Variants in NDUFV3 observed in about 807,000 individuals in gnomAD.
NDUFV3 encodes NADH:ubiquinone oxidoreductase subunit V3, also known as NADH dehydrogenase [ubiquinone] flavoprotein 3, mitochondrial.
In NDUFV3, 44 loss-of-function variants were observed where a neutral mutation model predicts 37.5. That is an observed-to-expected ratio of 1.17 (90% CI 0.92 to 1.51). The LOEUF is 1.51. Among genes scored for constraint, NDUFV3 ranks in the 40% most tolerant of loss-of-function variants. The probability of loss-of-function intolerance (pLI) is 0.00; values close to 1 mark genes in which losing one functional copy is unlikely to be tolerated. For missense variants in NDUFV3, 580 were observed against 580.4 expected, an observed-to-expected ratio of 1.00 and a Z score of 0.01; for synonymous variants, 235 against 239.3, an observed-to-expected ratio of 0.98 and a Z score of 0.17.
intron 3 of NDUFV3, chr21:42,906,729 C>G (rs565591626): frequency 2.5e-6 from 1 of 393,734 alleles, no homozygotes; most frequent in African/African-American, 2.1e-5. Flanking sequence ...AGTCCGTGCC[C>G]CAGTACTGGC....
chr21:42,897,923 G>A (rs546543922), intron 2 of NDUFV3, among the ~76,000 whole-genome samples: 7 of 152,212 alleles, frequency 4.6e-5, no homozygotes, highest in Middle Eastern at 3.4e-3. Flanking sequence ...TGATCCGCCC[G>A]CCTTGGCCTC....
chr21:42,900,327 C>T (rs1034841566), intron 2 of NDUFV3, among the ~76,000 whole-genome samples: 1 of 151,862 alleles, frequency 6.6e-6, no homozygotes, highest in African/African-American at 2.4e-5. Context: ...TATGGTGAAA[C>T]CCCTGTCTCT....
At chr21:42,907,182 G>A (rs528898266) in intron 3 of NDUFV3, among the ~76,000 whole-genome samples, 10 of 152,214 alleles carry the variant, frequency 6.6e-5, no homozygotes, top group African/African-American at 2.4e-4. Context: ...ACCCCTACTT[G>A]TAGTTTCGAA....
chr21:42,901,944 C>T (rs1041014852), intron 2 of NDUFV3, among the ~76,000 whole-genome samples: 4 of 152,246 alleles, frequency 2.6e-5, no homozygotes, highest in Non-Finnish European at 5.9e-5. Context: ...CACGGTGGCT[C>T]ACGCCTGTAA....
intron 1 of NDUFV3, among the ~76,000 whole-genome samples, chr21:42,896,206 G>C (rs546064930): frequency 7.3e-4 from 102 of 138,988 alleles, no homozygotes; most frequent in African/African-American, 2.5e-3. Flanking sequence ...GCCCAGGCTA[G>C]AGTGCAGTGG....
intron 1 of NDUFV3, among the ~76,000 whole-genome samples, chr21:42,896,522 C>A (rs1056741988): frequency 2.0e-5 from 3 of 151,956 alleles, no homozygotes; most frequent in Non-Finnish European, 4.4e-5. Context: ...AAGTGATCCG[C>A]CCACCTCAGC....
rs1257033749 is a variant in NDUFV3 at position 42,911,438 on chromosome 21, CCTTTTTTTTTTTT to C, written c.*2418_*2430del. ...CCTAAAATCCACTATGCTAACCCACCCTTTTTTTTTTTTTTTTTTTTTTTTTTTTTTTGAGACA... is the reference window on the plus strand; with the variant it reads ...CCTAAAATCCACTATGCTAACCCACCTTTTTTTTTTTTTTTTTTTGAGACA... On this transcript the variant is annotated 3_prime_UTR_variant, in exon 4 of 4. Coordinates refer to ENST00000354250, the MANE Select transcript of NDUFV3 (RefSeq NM_021075.4). The C allele has an allele frequency of 5.9e-5, 8 of 135,782 alleles. No homozygotes were observed. The highest frequency in any genetic ancestry group is 5.5e-4 in the Admixed American group (7 of 12,758). 8.4% of individuals were successfully genotyped at this position (135,782 alleles called of 1,614,324 possible).
intron 2 of NDUFV3, among the ~76,000 whole-genome samples, chr21:42,899,028 G>A: frequency 6.6e-6 from 1 of 152,170 alleles, no homozygotes; most frequent in Non-Finnish European, 1.5e-5. Flanking sequence ...GTTTGGGGAG[G>A]GGAACACTGA....
chr21:42,895,326 C>G (rs796469028), intron 1 of NDUFV3, among the ~76,000 whole-genome samples: 2 of 152,044 alleles, frequency 1.3e-5, no homozygotes, highest in Admixed American at 6.6e-5. Context: ...CTACTAAATA[C>G]AAAAACTTGG....
chr21:42,909,107 C>A lies in NDUFV3; in HGVS notation c.*86C>A. On this transcript the variant is annotated 3_prime_UTR_variant, in exon 4 of 4. Transcript: ENST00000354250. Reference sequence around the variant, plus strand: ...AAAATCCACTCAAGAGTCACAAGGCCCGCTGTGCATAATCGGTTTCACTTT... The same window carrying A: ...AAAATCCACTCAAGAGTCACAAGGCACGCTGTGCATAATCGGTTTCACTTT... The A allele has an allele frequency of 7.1e-7, 1 of 1,410,610 alleles. No individual in the cohort carries two copies. Among genetic ancestry groups the A allele is most frequent in the Non-Finnish European group, 9.9e-7 (1 of 1,007,180 alleles). The allele number at this position is 1,410,610 out of a possible 1,614,324, so 87.4% of individuals were successfully genotyped here. A position where few individuals can be genotyped will look rare whatever the true frequency, so the allele number is the denominator to read the frequency against.
At chr21:42,900,594 G>A (rs2058714206) in intron 2 of NDUFV3, among the ~76,000 whole-genome samples, 1 of 152,182 alleles carries the variant, frequency 6.6e-6, no homozygotes, top group Non-Finnish European at 1.5e-5. Flanking sequence ...CTGAAGTGTT[G>A]GTAGTTGGTA....
intron 3 of NDUFV3, among the ~76,000 whole-genome samples, chr21:42,908,549 G>T (rs1344903394): frequency 1.3e-5 from 2 of 149,038 alleles, no homozygotes; most frequent in African/African-American, 5.0e-5. Context: ...GATGAAGAAT[G>T]CTTGGTAGGT....
In NDUFV3 at chr21:42,903,172, C is replaced by T. The variant is rs758574248; in HGVS notation, c.170-10C>T. 1.4e-5 allele frequency: 22 copies of T among 1,613,904 alleles called. No homozygotes were observed. The highest frequency in any genetic ancestry group is 5.3e-5 in the African/African-American group (4 of 74,882). Reference sequence around the variant, plus strand: ...TGTTAAATAACATTCCTCTTTATGCCGTTTCCCAGATGTAGTGGAACCAAA... The same window carrying T: ...TGTTAAATAACATTCCTCTTTATGCTGTTTCCCAGATGTAGTGGAACCAAA... On this transcript the variant is annotated splice_polypyrimidine_tract_variant and intron_variant, in intron 2 of 3. Transcript: ENST00000354250.
chr21:42,902,301 A>G (rs1480827837), intron 2 of NDUFV3, among the ~76,000 whole-genome samples: 3 of 152,212 alleles, frequency 2.0e-5, no homozygotes, highest in Non-Finnish European at 4.4e-5. Context: ...CCATTACCAT[A>G]TAAAATTTGA....
chr21:42,908,811 T>G (rs2146167621), intron 3 of NDUFV3, 53 bp from the exon 4 acceptor site: 3 of 1,608,978 alleles, frequency 1.9e-6, no homozygotes, highest in South Asian at 1.1e-5. Flanking sequence ...GCCGAGTCAT[T>G]CATAAAGAGC....
intron 1 of NDUFV3, 78 bp from the exon 2 acceptor site, chr21:42,896,849 A>G: frequency 7.3e-7 from 1 of 1,377,494 alleles, no homozygotes; most frequent in South Asian, 1.3e-5. Context: ...CAAAAAATAT[A>G]TATATATATT....
In NDUFV3 at chr21:42,897,056, T is replaced by G; in HGVS notation, c.169+9T>G. ...GCAAAGTCCACCAAAAAGTAAGATT[T>G]TGATGGTAGTCATAAGGGAAAGAGA... On this transcript the variant is annotated intron_variant, in intron 2 of 3. Transcript: ENST00000354250. The G allele has an allele frequency of 6.2e-7, 1 of 1,613,644 alleles. No individual in the cohort carries two copies. The highest frequency in any genetic ancestry group is 8.5e-7 in the Non-Finnish European group (1 of 1,179,724).
Position 42,903,602 on chromosome 21 carries a change from G to GA in NDUFV3, c.591dup (p.Ala198SerfsTer23). 3 of 1,613,906 alleles carry GA rather than the reference G, an allele frequency of 1.9e-6. No individual in the cohort carries two copies. The highest frequency in any genetic ancestry group is 2.5e-6 in the Non-Finnish European group (3 of 1,180,014). On this transcript the variant is annotated frameshift_variant, in exon 3 of 4. Coordinates refer to ENST00000354250, the MANE Select transcript of NDUFV3 (RefSeq NM_021075.4). LOFTEE classifies it high-confidence loss of function. ...GAGGCCTCTCATTCCTTTGAAAACAGAGCCCCCCGAGTTACAGTATCAGCA... is the reference window on the plus strand; with the variant it reads ...GAGGCCTCTCATTCCTTTGAAAACAGAAGCCCCCCGAGTTACAGTATCAGCA...
chr21:42,902,189 CAA>C (rs759890411), intron 2 of NDUFV3, among the ~76,000 whole-genome samples: 2 of 151,750 alleles, frequency 1.3e-5, no homozygotes, highest in Non-Finnish European at 2.9e-5. Flanking sequence ...GCCTGGGCAA[CAA>C]GAGTGAAACT....
Sources: gnomAD v4.1 joint callset for allele counts (sites outside exome capture counted in the v4.1 genomes callset) on GRCh38, gnomAD v4.1.1 for gene constraint, MANE v1.5 for transcripts, NCBI Gene and HGNC (gene_info 2026-07-23, HGNC 2026-07-21) for gene names.